The following ARHGAP30 variants were observed in gnomAD, a reference collection of about 807,000 sequenced individuals.
ARHGAP30 encodes rho GTPase-activating protein 30.
A neutral mutation model predicts 72.0 loss-of-function variants in ARHGAP30; 23 were observed. The ratio of observed to expected loss-of-function variants is 0.32; its 90% CI spans 0.23 to 0.45. The LOEUF is 0.45. Among genes scored for constraint, ARHGAP30 ranks in the 20% least tolerant of loss-of-function variants. The pLI is 1.00. For missense variants in ARHGAP30, 1,319 were observed against 1,383.4 expected, an observed-to-expected ratio of 0.95 and a Z score of 0.74; for synonymous variants, 576 against 528.2, an observed-to-expected ratio of 1.09 and a Z score of -1.24.
chr1:161,049,682 C>T lies in ARHGAP30; in HGVS notation c.1428G>A (p.Lys476=), dbSNP rs562996212. ...GACTTGAGGCTGGACTTGCTTCCAA[C>T]TTTTCATCTGTTGGGGGAGAAGTAG... is the stretch of plus-strand genomic sequence containing the variant. ...PGLGPGPPDE[K]LEASPASSPL... The change falls in exon 11 of 12, where the codon AAG becomes AAA. Residue 476 remains lysine, a synonymous_variant. Transcript: ENST00000368013. 3 of 1,612,926 alleles carry T rather than the reference C, an allele frequency of 1.9e-6. No homozygotes were observed. The highest frequency in any genetic ancestry group is 2.5e-6 in the Non-Finnish European group (3 of 1,179,424).
At position 161,069,612 on chromosome 1, in the gene ARHGAP30, G is replaced by T; in HGVS notation, c.13C>A (p.Gln5Lys). MKSR[Q>K]KGKKKGSAKE... is the part of the protein sequence containing the mutation. The stretch of plus-strand genomic sequence containing the variant: ...GCGCTGCCCTTCTTCTTTCCTTTCT[G>T]CCGAGACTTCATGGCCAGAGCCCCA... Residue 5 changes from glutamine (Q) to lysine (K), a missense_variant, in exon 1 of 12, where the codon CAG becomes AAG. By Grantham distance (53) the Gln-to-Lys change is moderately conservative. Coordinates refer to ENST00000368013, the MANE Select transcript of ARHGAP30 (RefSeq NM_001025598.2). The surrounding 1 kb of genome is among the most constrained non-coding windows in gnomAD (Gnocchi z 4.9). The T allele has an allele frequency of 6.2e-7, 1 of 1,610,208 alleles. No homozygotes were observed.
At chr1:161,056,577 T>G (rs370783097) in intron 2 of ARHGAP30, 45 bp from the exon 3 acceptor site, 1 of 1,589,902 alleles carries the variant, frequency 6.3e-7, no homozygotes, top group Non-Finnish European at 8.5e-7. Context: ...GTTGGGGTGA[T>G]GTGGGGAGAG....
rs1385522264 is a variant in ARHGAP30, at chr1:161,048,162, C to T, written c.2859G>A (p.Met953Ile). 1 of 1,614,208 alleles carries T rather than the reference C, an allele frequency of 6.2e-7. No individual in the cohort carries two copies. Among genetic ancestry groups the T allele is most frequent in the Non-Finnish European group, 8.5e-7 (1 of 1,180,042 alleles). The change falls in exon 12 of 12, where the codon ATG becomes ATA. Residue 953 changes from methionine to isoleucine, a missense_variant. Physicochemically the swap from Met to Ile is conservative, Grantham distance 10 (BLOSUM62 1). Transcript: ENST00000368013. Reference sequence around the variant, plus strand: ...CAGGTGCCACATGAATCTTGCTACACATTGCACTGGGCATCTTGGCAAACT... The same window carrying T: ...CAGGTGCCACATGAATCTTGCTACATATTGCACTGGGCATCTTGGCAAACT... ...KPQFAKMPSA[M>I]CSKIHVAPAN...
In ARHGAP30 at chr1:161,069,256, C is replaced by T. The variant is rs560629204; in HGVS notation, c.97+272G>A. Reference sequence around the variant, plus strand: ...TCCACTCCTCCTCGGTTTCCAGTCTCTCCATCCTCCCCCTCACTGCTACCT... The same window carrying T: ...TCCACTCCTCCTCGGTTTCCAGTCTTTCCATCCTCCCCCTCACTGCTACCT... On this transcript the variant is annotated intron_variant, in intron 1 of 11. Coordinates refer to ENST00000368013, the MANE Select transcript of ARHGAP30 (RefSeq NM_001025598.2). The surrounding 1 kb of genome is among the most constrained non-coding windows in gnomAD (Gnocchi z 4.9). Among the ~76,000 whole-genome samples the T allele has an allele frequency of 1.3e-5, 2 of 152,172 alleles. No individual in the cohort carries two copies. The highest frequency in any genetic ancestry group is 2.1e-4 in the South Asian group (1 of 4,834).
intron 10 of ARHGAP30, among the ~76,000 whole-genome samples, chr1:161,050,053 C>G (rs1651236035): frequency 6.6e-6 from 1 of 152,188 alleles, no homozygotes; most frequent in South Asian, 2.1e-4. Context: ...GTCTACTTAA[C>G]TCTATAGCCC....
At chr1:161,064,439 GA>G (rs1652540116) in intron 1 of ARHGAP30, among the ~76,000 whole-genome samples, 1 of 152,166 alleles carries the variant, frequency 6.6e-6, no homozygotes, top group African/African-American at 2.4e-5. Context: ...GGACTCATCA[GA>G]GCAATTCGTC....
chr1:161,050,276 G>GCAATCA (rs1651252884), intron 10 of ARHGAP30, among the ~76,000 whole-genome samples: 1 of 148,686 alleles, frequency 6.7e-6, no homozygotes, highest in Non-Finnish European at 1.5e-5. Context: ...AACCAATCCT[G>GCAATCA]CAATCACAGC....
rs1650995324 is a variant in ARHGAP30 at position 161,047,984 on chromosome 1, G to A, written c.3037C>T (p.Gln1013Ter). ...CAGGTCTGGGTTCGCCGAACTCCTTGAGCCTCAGTCCTTTGGCGGTCCCGG... is the reference window on the plus strand; with the variant it reads ...CAGGTCTGGGTTCGCCGAACTCCTTAAGCCTCAGTCCTTTGGCGGTCCCGG... ...LARDRQRTEA[Q>*]GVRRTQTCTE... The change falls in exon 12 of 12, where the codon CAA becomes TAA. Residue 1013 changes from glutamine (Q) to a stop codon, truncating the protein, a stop_gained. Coordinates refer to ENST00000368013, the MANE Select transcript of ARHGAP30 (RefSeq NM_001025598.2). LOFTEE classifies it high-confidence loss of function. 6.2e-7 allele frequency: 1 copy of A among 1,614,020 alleles called. No homozygotes were observed. Among genetic ancestry groups the A allele is most frequent in the Non-Finnish European group, 8.5e-7 (1 of 1,180,022 alleles).
rs74325531 is a variant in ARHGAP30, at chr1:161,057,453, T to A, written c.201-921A>T. On this transcript the variant is annotated intron_variant, in intron 2 of 11. Coordinates refer to ENST00000368013, the MANE Select transcript of ARHGAP30 (RefSeq NM_001025598.2). ...AGTAGACAATAAGCACAGGAAAAGA[T>A]GTTCAACATCATTACCTATTACAGA... is the stretch of plus-strand genomic sequence containing the variant. Among the ~76,000 whole-genome samples, 15 of 152,300 alleles carry A rather than the reference T, an allele frequency of 9.8e-5. No individual in the cohort carries two copies. The East Asian group carries it at 2.9e-3, about 29-fold the overall frequency.
intron 1 of ARHGAP30, among the ~76,000 whole-genome samples, chr1:161,061,255 T>C (rs1652290065): frequency 6.6e-6 from 1 of 151,998 alleles, no homozygotes; most frequent in African/African-American, 2.4e-5. Context: ...AACCTCCACC[T>C]CCCAGGTTCA....
At chr1:161,055,866 A>T (rs1226265712) in intron 3 of ARHGAP30, among the ~76,000 whole-genome samples, 1 of 24,344 alleles carries the variant, frequency 4.1e-5, no homozygotes, top group African/African-American at 1.1e-4. Context: ...TAAATAAAAT[A>T]AAATAAAATA....
At chr1:161,050,615 T>G (rs1170373689) in intron 10 of ARHGAP30, among the ~76,000 whole-genome samples, 1 of 151,230 alleles carries the variant, frequency 6.6e-6, no homozygotes, top group African/African-American at 2.4e-5. Context: ...GGCCTAGCAC[T>G]TGGTACTTAA....
chr1:161,054,336 T>G, intron 5 of ARHGAP30, 30 bp downstream of exon 5: 1 of 1,594,014 alleles, frequency 6.3e-7, no homozygotes, highest in Non-Finnish European at 8.6e-7. Flanking sequence ...TCTCACAGGA[T>G]CCCCATACAC....
In ARHGAP30 at chr1:161,049,102, C is replaced by T. The variant is rs1321965480; in HGVS notation, c.1919G>A (p.Cys640Tyr). Residue 640 changes from cysteine (C) to tyrosine (Y), a missense_variant, in exon 12 of 12, where the codon TGT (cysteine) becomes TAT (tyrosine). Physicochemically the swap from Cys to Tyr is radical, Grantham distance 194. Transcript: ENST00000368013. ...ACCCTGTCCCAGAGCCTGCCTTCCA[C>T]ATCCTGCTGCCTCTCCCTCCAGACT... ...SGSLEGEAAG[C>Y]GRQALGQGGE... 1.9e-6 allele frequency: 3 copies of T among 1,614,174 alleles called. No individual in the cohort carries two copies. The South Asian group carries it at 3.3e-5, about 18-fold the overall frequency.
chr1:161,060,058 G>T, intron 1 of ARHGAP30: 1 of 320,156 alleles, frequency 3.1e-6, no homozygotes, highest in Non-Finnish European at 6.3e-6. Flanking sequence ...AGGCGGGTGA[G>T]TTGCTTGAGC....
chr1:161,048,379 T>A lies in ARHGAP30; in HGVS notation c.2642A>T (p.His881Leu), dbSNP rs776256738. Residue 881 changes from histidine (H) to leucine (L), a missense_variant, in exon 12 of 12, where the codon CAC (histidine) becomes CTC (leucine). Physicochemically the swap from His to Leu is moderately conservative, Grantham distance 99. Transcript: ENST00000368013. ...GGCTACCTCTTCCATCTCAGAAGAG[T>A]GAGGATTGCCCTCTTTGGCACAGTC... ...EVDCAKEGNPHSSEMEEVAPQ... is the reference protein window; with the variant it reads ...EVDCAKEGNPLSSEMEEVAPQ... 5 of 1,614,124 alleles carry A rather than the reference T, an allele frequency of 3.1e-6. No homozygotes were observed. Among genetic ancestry groups the A allele is most frequent in the Non-Finnish European group, 4.2e-6 (5 of 1,180,026 alleles).
rs370686461 is a variant in ARHGAP30, at chr1:161,059,685, A to G, written c.129T>C (p.Phe43=). ...VPQVLKSCAE[F]VEEYGVVDGI... ...CATCCACCACTCCATACTCCTCCAC[A>G]AATTCTGCACAGCTCTTTAGCACCT... Residue 43 remains phenylalanine, a synonymous_variant, in exon 2 of 12, where the codon TTT becomes TTC. Coordinates refer to ENST00000368013, the MANE Select transcript of ARHGAP30 (RefSeq NM_001025598.2). 2 of 1,613,742 alleles carry G rather than the reference A, an allele frequency of 1.2e-6. No homozygotes were observed. The highest frequency in any genetic ancestry group is 1.7e-6 in the Non-Finnish European group (2 of 1,179,824).
intron 1 of ARHGAP30, 76 bp from the exon 2 acceptor site, chr1:161,059,792 T>C: frequency 7.7e-7 from 1 of 1,306,192 alleles, no homozygotes; most frequent in Non-Finnish European, 1.1e-6. Flanking sequence ...GTCTGAGAAA[T>C]GGAATTTGGG....
At chr1:161,062,957 G>A (rs978003360) in intron 1 of ARHGAP30, among the ~76,000 whole-genome samples, 25 of 152,054 alleles carry the variant, frequency 1.6e-4, no homozygotes, top group Middle Eastern at 6.8e-3. Context: ...TGGGATTACA[G>A]GCATGTGCCA....
Sources: gnomAD v4.1 joint callset for allele counts (sites outside exome capture counted in the v4.1 genomes callset) on GRCh38, gnomAD v4.1.1 for gene constraint, Gnocchi (gnomAD v3.1) non-coding constraint, MANE v1.5 for transcripts, NCBI Gene and HGNC (gene_info 2026-07-23, HGNC 2026-07-21) for gene names.